Variants in CSNK1G3 observed in about 807,000 individuals in gnomAD.
CSNK1G3 encodes the protein casein kinase I isoform gamma-3.
Under a neutral mutation model 64.3 loss-of-function variants are expected in CSNK1G3, and 23 were observed. That is an observed-to-expected ratio of 0.36 (90% CI 0.26 to 0.51). CSNK1G3 has a LOEUF of 0.51. Ranked by LOEUF, CSNK1G3 falls within the 20% of genes least tolerant of loss-of-function variation. The probability of loss-of-function intolerance (pLI) is 0.96; values close to 1 mark genes in which losing one functional copy is unlikely to be tolerated. For missense variants in CSNK1G3, 357 were observed against 510.5 expected (o/e 0.70, Z 2.90); for synonymous variants, 158 against 162.2 (o/e 0.97, Z 0.20).
intron 1 of CSNK1G3, among the ~76,000 whole-genome samples, chr5:123,544,755 A>G (rs898845607): frequency 1.7e-4 from 26 of 152,306 alleles, no homozygotes; most frequent in African/African-American, 6.3e-4. Flanking sequence ...TAATTTCTGC[A>G]TCTGATAAGG....
At chr5:123,575,856 C>G in exon 6 of CSNK1G3, 1 of 1,613,504 alleles carries the variant, frequency 6.2e-7, no homozygotes, top group Non-Finnish European at 8.5e-7. Context: ...TTTGGTTTGG[C>G]AAAGGAATAT....
At chr5:123,573,358 A>G in intron 4 of CSNK1G3, 35 bp from the exon 5 acceptor site, 2 of 1,599,310 alleles carry the variant, frequency 1.3e-6, no homozygotes, top group South Asian at 2.2e-5. Context: ...ATTTAAGATG[A>G]TGAAATTATT....
chr5:123,595,405 GTAT>G (rs1242764715), intron 10 of CSNK1G3, among the ~76,000 whole-genome samples: 1 of 152,044 alleles, frequency 6.6e-6, no homozygotes, highest in Non-Finnish European at 1.5e-5. Flanking sequence ...AAAACAAACG[GTAT>G]TATGCTTGAA....
intron 3 of CSNK1G3, among the ~76,000 whole-genome samples, 191 bp from the exon 4 acceptor site, chr5:123,557,304 G>A (rs1784833799): frequency 6.6e-6 from 1 of 152,030 alleles, no homozygotes; most frequent in Admixed American, 6.6e-5. Context: ...CTTAGTTTAT[G>A]TACATTTGTA....
intron 3 of CSNK1G3, among the ~76,000 whole-genome samples, chr5:123,557,225 A>T (rs1438102296): frequency 6.6e-6 from 1 of 152,170 alleles, no homozygotes; most frequent in Non-Finnish European, 1.5e-5. Context: ...ATGAATGTTC[A>T]GAACATATTT....
At chr5:123,534,080 T>C (rs1780411697) in intron 1 of CSNK1G3, among the ~76,000 whole-genome samples, 1 of 152,086 alleles carries the variant, frequency 6.6e-6, no homozygotes, top group Admixed American at 6.6e-5. Flanking sequence ...ATCTACAGTA[T>C]GTATTAACTG....
intron 1 of CSNK1G3, among the ~76,000 whole-genome samples, chr5:123,544,719 T>C (rs1358151806): frequency 6.6e-6 from 1 of 152,236 alleles, no homozygotes; most frequent in African/African-American, 2.4e-5. Context: ...TTAATGTTTT[T>C]ATCTGCATGT....
intron 5 of CSNK1G3, among the ~76,000 whole-genome samples, chr5:123,575,422 T>A (rs1020305897): frequency 6.6e-6 from 1 of 152,222 alleles, no homozygotes; most frequent in Admixed American, 6.5e-5. Flanking sequence ...TATATCAATG[T>A]GGCTTTTTGA....
At chr5:123,616,593 A>G (rs1046749) in exon 13 of CSNK1G3, 3 of 152,626 alleles carry the variant, frequency 2.0e-5, no homozygotes, top group South Asian at 2.1e-4. Context: ...AAACTGGTCA[A>G]TAATAGGTAA....
rs528028197 is a variant in CSNK1G3, at chr5:123,611,871, A to G, written c.1218-2471A>G. ...TTATGTCTTGCTTTCTGCTATTTGGATATTTTTCTGCTCTTTTCTAAGTCT... is the reference window on the plus strand; with the variant it reads ...TTATGTCTTGCTTTCTGCTATTTGGGTATTTTTCTGCTCTTTTCTAAGTCT... On this transcript the variant is annotated intron_variant, in intron 12 of 12. Transcript: ENST00000345990. 4.6e-5 allele frequency among the ~76,000 whole-genome samples: 7 copies of G among 152,240 alleles called. No homozygotes were observed. In the South Asian group the frequency reaches 1.2e-3, roughly 27 times the overall value.
intron 6 of CSNK1G3, among the ~76,000 whole-genome samples, chr5:123,576,642 T>G (rs1291437381): frequency 6.6e-6 from 1 of 152,130 alleles, no homozygotes; most frequent in Non-Finnish European, 1.5e-5. Context: ...CACAGGCTAT[T>G]TTATAGGATA....
intron 6 of CSNK1G3, among the ~76,000 whole-genome samples, chr5:123,579,616 C>G (rs965280001): frequency 3.3e-5 from 5 of 151,904 alleles, no homozygotes; most frequent in African/African-American, 1.2e-4. Context: ...GCCTAATGTT[C>G]CTTATCTGAA....
chr5:123,556,454 A>T (rs1002539685), intron 3 of CSNK1G3, among the ~76,000 whole-genome samples: 33 of 151,886 alleles, frequency 2.2e-4, no homozygotes, highest in Admixed American at 1.3e-4. Flanking sequence ...CAGGTGTCTG[A>T]TCCTTTTCTT....
At chr5:123,558,919 A>G (rs1055493960) in intron 4 of CSNK1G3, among the ~76,000 whole-genome samples, 7 of 152,194 alleles carry the variant, frequency 4.6e-5, no homozygotes, top group African/African-American at 1.2e-4. Flanking sequence ...TGCTTCAAAT[A>G]CTGTCATCAA....
intron 4 of CSNK1G3, among the ~76,000 whole-genome samples, chr5:123,562,407 G>A (rs1184035984): frequency 2.0e-5 from 3 of 151,884 alleles, no homozygotes; most frequent in African/African-American, 4.8e-5. Context: ...TTTCTTCTTG[G>A]TAGCAGAATG....
At chr5:123,553,823 T>G (rs1022992065) in intron 3 of CSNK1G3, among the ~76,000 whole-genome samples, 1 of 152,228 alleles carries the variant, frequency 6.6e-6, no homozygotes, top group Non-Finnish European at 1.5e-5. Flanking sequence ...GTTTCCCTGT[T>G]TCATTCATTA....
exon 13 of CSNK1G3, chr5:123,616,548 A>G (rs570329006): frequency 6.5e-6 from 1 of 152,718 alleles, no homozygotes; most frequent in African/African-American, 2.4e-5. Context: ...TAAGTGCTCC[A>G]TTTTAATGCC....
At chr5:123,570,346 CTT>C (rs370362447) in intron 4 of CSNK1G3, among the ~76,000 whole-genome samples, 69 of 130,498 alleles carry the variant, frequency 5.3e-4, no homozygotes, top group African/African-American at 1.3e-3. Flanking sequence ...ACAGTCCTTT[CTT>C]TTTTTTTTTT....
chr5:123,523,958 C>T (rs1234044157), intron 1 of CSNK1G3, among the ~76,000 whole-genome samples: 1 of 152,076 alleles, frequency 6.6e-6, no homozygotes, highest in Non-Finnish European at 1.5e-5. Flanking sequence ...TGGTGTATAC[C>T]CACTGTATCA....
Sources: allele counts gnomAD v4.1 joint callset (sites outside exome capture counted in the v4.1 genomes callset), GRCh38; gene constraint gnomAD v4.1.1; transcripts MANE v1.5; gene names NCBI Gene and HGNC (gene_info 2026-07-23, HGNC 2026-07-21).